The following FARS2 variants were observed in gnomAD, a reference collection of about 807,000 sequenced individuals.
The protein encoded by FARS2 is phenylalanine--tRNA ligase, mitochondrial.
Under a neutral mutation model 46.4 loss-of-function variants are expected in FARS2, and 40 were observed. That is an observed-to-expected ratio of 0.86 (90% CI 0.67 to 1.12). The LOEUF (loss-of-function observed/expected upper bound fraction) is 1.12. Among genes scored for constraint, FARS2 ranks in the 50% most tolerant of loss-of-function variants. FARS2 has a pLI of 0.00. For synonymous variants in FARS2, 234 were observed against 214.9 expected (o/e 1.09, Z -0.78); for missense variants, 513 against 567.9 (o/e 0.90, Z 0.98).
At chr6:5,369,949 C>T (rs149380206) in intron 2 of FARS2, among the ~76,000 whole-genome samples, 1 of 151,826 alleles carries the variant, frequency 6.6e-6, no homozygotes, top group African/African-American at 2.4e-5. Context: ...TGCCATACCA[C>T]TTGTCCCTCA....
chr6:5,269,351 G>C (rs567837084), intron 1 of FARS2, among the ~76,000 whole-genome samples: 2 of 151,332 alleles, frequency 1.3e-5, no homozygotes, highest in South Asian at 2.1e-4. Flanking sequence ...GGTTGGGGGA[G>C]GGGGGAGGGA....
chr6:5,763,779 T>G (rs1158851213), intron 6 of FARS2, among the ~76,000 whole-genome samples: 2 of 151,738 alleles, frequency 1.3e-5, no homozygotes, highest in South Asian at 2.1e-4. Context: ...TTTTTTTTTT[T>G]TTTTTTTAAC....
chr6:5,274,421 G>C (rs976222083), intron 1 of FARS2, among the ~76,000 whole-genome samples: 2 of 152,206 alleles, frequency 1.3e-5, no homozygotes, highest in African/African-American at 4.8e-5. Flanking sequence ...TGTCTGGAAG[G>C]TTTCTAGGAA....
chr6:5,468,554 G>A (rs997856456), intron 4 of FARS2, among the ~76,000 whole-genome samples: 5 of 151,998 alleles, frequency 3.3e-5, no homozygotes, highest in African/African-American at 1.2e-4. Context: ...AATATAATTC[G>A]ACCAGAAATC....
intron 4 of FARS2, among the ~76,000 whole-genome samples, chr6:5,511,576 G>T (rs534681213): frequency 6.6e-5 from 10 of 152,140 alleles, no homozygotes; most frequent in Non-Finnish European, 1.2e-4. Context: ...TTCATTACAA[G>T]CCATAAAAAC....
intron 1 of FARS2, among the ~76,000 whole-genome samples, chr6:5,314,659 C>T (rs1769320943): frequency 6.6e-6 from 1 of 152,162 alleles, no homozygotes; most frequent in South Asian, 2.1e-4. Context: ...AGCTCATTTG[C>T]ATGAGACATC....
intron 2 of FARS2, among the ~76,000 whole-genome samples, chr6:5,377,871 T>C (rs1581927433): frequency 6.6e-6 from 1 of 152,210 alleles, no homozygotes; most frequent in East Asian, 1.9e-4. Context: ...AATAAAGCAT[T>C]GCCTACCTTA....
intron 3 of FARS2, among the ~76,000 whole-genome samples, chr6:5,428,799 G>A (rs1762995346): frequency 6.6e-6 from 1 of 152,162 alleles, no homozygotes; most frequent in South Asian, 2.1e-4. Flanking sequence ...ACACAGAAAA[G>A]TCGACTACTC....
intron 6 of FARS2, among the ~76,000 whole-genome samples, chr6:5,623,616 G>A (rs1177327080): frequency 6.6e-6 from 1 of 152,084 alleles, no homozygotes; most frequent in Non-Finnish European, 1.5e-5. Context: ...GGAGGCTGAG[G>A]CAGGAGAATT....
chr6:5,578,538 G>A (rs983594010), intron 5 of FARS2, among the ~76,000 whole-genome samples: 10 of 151,922 alleles, frequency 6.6e-5, no homozygotes, highest in African/African-American at 2.4e-4. Flanking sequence ...GGCCAGGCAC[G>A]GTGGCTCACC....
At chr6:5,693,389 A>G (rs1757890975) in intron 6 of FARS2, among the ~76,000 whole-genome samples, 1 of 152,186 alleles carries the variant, frequency 6.6e-6, no homozygotes, top group Non-Finnish European at 1.5e-5. Flanking sequence ...CTTAGCTTTG[A>G]TGTAGGGAGG....
chr6:5,740,836 A>C (rs1042958188), intron 6 of FARS2, among the ~76,000 whole-genome samples: 1 of 152,212 alleles, frequency 6.6e-6, no homozygotes, highest in African/African-American at 2.4e-5. Flanking sequence ...CTTCATTCCC[A>C]GGCTCCGTCT....
rs58534744 is a variant in FARS2 at position 5,577,232 on chromosome 6, GTAAT to G, written c.1065+31895_1065+31898del. On this transcript the variant is annotated intron_variant, in intron 5 of 6. Coordinates refer to ENST00000274680, the MANE Select transcript of FARS2 (RefSeq NM_006567.5). ...GTCAGATTTCTCACTGCTTGAGAAG[GTAAT>G]TATAGATATAATTACAGATATGGAA... Among the ~76,000 whole-genome samples, 318 of 152,108 alleles carry G rather than the reference GTAAT, an allele frequency of 2.1e-3. 2 individuals carry two copies. Among genetic ancestry groups the G allele is most frequent in the African/African-American group, 7.5e-3 (310 of 41,484 alleles).
chr6:5,604,676 A>G (rs987916193), intron 5 of FARS2, among the ~76,000 whole-genome samples: 1 of 152,242 alleles, frequency 6.6e-6, no homozygotes, highest in Non-Finnish European at 1.5e-5. Flanking sequence ...GATTGCCTTT[A>G]TGTATGATTT....
intron 4 of FARS2, among the ~76,000 whole-genome samples, chr6:5,497,521 A>AT (rs1767543836): frequency 6.6e-6 from 1 of 152,370 alleles, no homozygotes; most frequent in South Asian, 2.1e-4. Context: ...TAAAAGGAAC[A>AT]TTGGGTGTTG....
intron 4 of FARS2, among the ~76,000 whole-genome samples, chr6:5,521,883 T>A (rs1211108756): frequency 6.6e-6 from 1 of 152,200 alleles, no homozygotes; most frequent in Non-Finnish European, 1.5e-5. Flanking sequence ...TCTGCAAAGC[T>A]CCTCCTCTAG....
At chr6:5,255,839 C>T in the FARS2 span, among the ~76,000 whole-genome samples, 43,660 of 152,022 alleles carry the variant, frequency 0.29, 7,909 homozygotes, top group African/African-American at 0.52. Flanking sequence ...CAACCAAAAA[C>T]GTCTTCAGAT....
At chr6:5,603,960 T>C (rs1371428610) in intron 5 of FARS2, among the ~76,000 whole-genome samples, 1 of 152,182 alleles carries the variant, frequency 6.6e-6, no homozygotes, top group Non-Finnish European at 1.5e-5. Context: ...TTATATTCTA[T>C]GGTACCATTC....
chr6:5,635,629 G>A lies in FARS2; in HGVS notation c.1217+22309G>A, dbSNP rs192571609. On this transcript the variant is annotated intron_variant, in intron 6 of 6. Coordinates refer to ENST00000274680, the MANE Select transcript of FARS2 (RefSeq NM_006567.5). ...GTGAGGTAGAGGAAATGAGAAGGAC[G>A]CCCCATGTAGAAAATGGCAGAATCG... Among the ~76,000 whole-genome samples, 191 of 152,168 alleles carry A rather than the reference G, an allele frequency of 1.3e-3. 3 individuals carry two copies. The highest frequency in any genetic ancestry group is 2.3e-3 in the South Asian group (11 of 4,818).
Sources: allele counts gnomAD v4.1 joint callset (sites outside exome capture counted in the v4.1 genomes callset), GRCh38; gene constraint gnomAD v4.1.1; transcripts MANE v1.5; gene names NCBI Gene and HGNC (gene_info 2026-07-23, HGNC 2026-07-21).